The following PVT1 variants were observed in gnomAD, a reference collection of about 807,000 sequenced individuals.
PVT1 encodes the protein CXCR4/PVT1 fusion.
chr8:127,809,177 G>A (rs1330514043), intron 2 of PVT1, among the ~76,000 whole-genome samples: 1 of 151,860 alleles, frequency 6.6e-6, no homozygotes, highest in Non-Finnish European at 1.5e-5. Flanking sequence ...GGGTGATAGG[G>A]AACTATTGAA....
At chr8:127,848,231 T>C (rs900298430) in intron 2 of PVT1, among the ~76,000 whole-genome samples, 1 of 152,202 alleles carries the variant, frequency 6.6e-6, no homozygotes, top group African/African-American at 2.4e-5. Flanking sequence ...GCGACTGATA[T>C]AAATCCCGGT....
At chr8:127,822,735 A>C (rs979931063) in intron 2 of PVT1, among the ~76,000 whole-genome samples, 2 of 152,216 alleles carry the variant, frequency 1.3e-5, no homozygotes, top group Admixed American at 1.3e-4. Context: ...TAAGAAGGAC[A>C]TTGTGGGCGG....
At chr8:127,921,658 C>T (rs1816058901) in intron 3 of PVT1, among the ~76,000 whole-genome samples, 2 of 151,696 alleles carry the variant, frequency 1.3e-5, no homozygotes, top group African/African-American at 2.4e-5. Context: ...TTAAAAAATA[C>T]AGAAAATTAG....
intron 3 of PVT1, among the ~76,000 whole-genome samples, chr8:127,965,621 C>T (rs1816695118): frequency 6.6e-6 from 1 of 152,222 alleles, no homozygotes; most frequent in African/African-American, 2.4e-5. Context: ...CTCCACTCTG[C>T]CCTTGGATGT....
At chr8:127,987,875 G>A (rs1472990832) in intron 3 of PVT1, among the ~76,000 whole-genome samples, 1 of 152,252 alleles carries the variant, frequency 6.6e-6, no homozygotes, top group Non-Finnish European at 1.5e-5. Flanking sequence ...GAGCCCAGAG[G>A]CGCTGAGGAC....
chr8:127,962,597 G>T (rs905209888), intron 3 of PVT1, among the ~76,000 whole-genome samples: 5 of 151,984 alleles, frequency 3.3e-5, no homozygotes, highest in East Asian at 1.9e-4. Context: ...TCTTCTGGAG[G>T]TTCGTCTGCA....
intron 3 of PVT1, among the ~76,000 whole-genome samples, chr8:127,984,895 T>TTC (rs1563657521): frequency 1.9e-4 from 19 of 97,698 alleles, no homozygotes; most frequent in East Asian, 5.0e-4. Context: ...CTTTCTTTCT[T>TTC]TCTTTCTTTC....
At chr8:128,034,338 T>G (rs1234956994) in intron 4 of PVT1, among the ~76,000 whole-genome samples, 1 of 152,236 alleles carries the variant, frequency 6.6e-6, no homozygotes, top group African/African-American at 2.4e-5. Flanking sequence ...GGAAAACTCC[T>G]GTTCATCCTT....
intron 2 of PVT1, among the ~76,000 whole-genome samples, chr8:127,855,910 G>T (rs1029153571): frequency 6.6e-6 from 1 of 152,184 alleles, no homozygotes; most frequent in African/African-American, 2.4e-5. Flanking sequence ...CACAAGCAGC[G>T]TCCCCTGGTC....
At chr8:127,878,199 A>G (rs1382614740) in intron 2 of PVT1, among the ~76,000 whole-genome samples, 1 of 152,048 alleles carries the variant, frequency 6.6e-6, no homozygotes, top group Non-Finnish European at 1.5e-5. Context: ...AAAACCCCAC[A>G]AATTTTGAAG....
intron 3 of PVT1, among the ~76,000 whole-genome samples, chr8:127,966,995 C>T (rs1343875741): frequency 6.6e-6 from 1 of 152,160 alleles, no homozygotes; most frequent in Admixed American, 6.5e-5. Context: ...AGCCCTAGGC[C>T]CCTTTGCCCC....
chr8:127,953,872 G>A (rs779584754), intron 3 of PVT1, among the ~76,000 whole-genome samples: 5 of 151,374 alleles, frequency 3.3e-5, no homozygotes, highest in Admixed American at 6.6e-5. Context: ...TAGGTGCCTC[G>A]TTCATAATTT....
At chr8:127,885,796 G>A (rs1046040190) in intron 2 of PVT1, among the ~76,000 whole-genome samples, 1 of 152,216 alleles carries the variant, frequency 6.6e-6, no homozygotes, top group African/African-American at 2.4e-5. Flanking sequence ...AAGAAACGTA[G>A]TAAATTTGGG....
At chr8:127,889,134 TTC>T (rs1815567173) in intron 2 of PVT1, among the ~76,000 whole-genome samples, 1 of 150,680 alleles carries the variant, frequency 6.6e-6, no homozygotes, top group African/African-American at 2.4e-5. Flanking sequence ...TCTTTCTTTC[TTC>T]TTTTTTTTTT....
intron 2 of PVT1, among the ~76,000 whole-genome samples, chr8:127,868,194 G>A (rs1437864310): frequency 6.6e-6 from 1 of 152,132 alleles, no homozygotes; most frequent in Non-Finnish European, 1.5e-5. Flanking sequence ...AAGACCTAGA[G>A]AGGTTAGGGT....
chr8:127,977,269 G>A (rs1465450979), intron 3 of PVT1, among the ~76,000 whole-genome samples: 1 of 152,090 alleles, frequency 6.6e-6, no homozygotes, highest in Non-Finnish European at 1.5e-5. Flanking sequence ...TGGCCCCCAG[G>A]GTGTGTACAT....
At chr8:128,087,117 GC>G (rs1187118445) in intron 5 of PVT1, among the ~76,000 whole-genome samples, 1 of 152,176 alleles carries the variant, frequency 6.6e-6, no homozygotes, top group African/African-American at 2.4e-5. Flanking sequence ...GTCTTCAATA[GC>G]CCTCTGAGGT....
intron 4 of PVT1, among the ~76,000 whole-genome samples, chr8:128,063,980 T>C (rs1391854357): frequency 6.6e-6 from 1 of 151,870 alleles, no homozygotes; most frequent in African/African-American, 2.4e-5. Flanking sequence ...CAATTTTATC[T>C]GTGAATTAAA....
intron 3 of PVT1, among the ~76,000 whole-genome samples, chr8:127,978,116 G>C (rs6470596): frequency 1 from 152,095 of 152,302 alleles, 75,944 homozygotes; most frequent in Middle Eastern, 1. Context: ...CACAAGTTAC[G>C]TCTTACAGGA....
Sources: allele counts gnomAD v4.1 joint callset (sites outside exome capture counted in the v4.1 genomes callset), GRCh38; gene constraint gnomAD v4.1.1; transcripts MANE v1.5; gene names NCBI Gene and HGNC (gene_info 2026-07-23, HGNC 2026-07-21).